Variants in ACADSB observed in about 807,000 individuals in gnomAD.
ACADSB encodes short/branched chain specific acyl-CoA dehydrogenase, mitochondrial.
In ACADSB, 40 loss-of-function variants were observed where a neutral mutation model predicts 54.1. That is an observed-to-expected ratio of 0.74 (90% CI 0.57 to 0.96). The LOEUF (loss-of-function observed/expected upper bound fraction) is 0.96. ACADSB is among the 40% of genes least tolerant of loss of function. The probability of loss-of-function intolerance (pLI) is 0.00; values close to 1 mark genes in which losing one functional copy is unlikely to be tolerated. For synonymous variants in ACADSB, 182 were observed against 182.8 expected (o/e 1.00, Z 0.03); for missense variants, 530 against 510.4 (o/e 1.04, Z -0.37).
At chr10:123,046,027 C>A (rs188575874) in intron 7 of ACADSB, among the ~76,000 whole-genome samples, 10 of 152,146 alleles carry the variant, frequency 6.6e-5, no homozygotes, top group Admixed American at 5.2e-4. Flanking sequence ...GTAGAAAAGC[C>A]CATTTTGATG....
chr10:123,011,143 G>A (rs1162113476), intron 1 of ACADSB, among the ~76,000 whole-genome samples: 1 of 152,174 alleles, frequency 6.6e-6, no homozygotes, highest in East Asian at 1.9e-4. Context: ...GGCATGGAGT[G>A]GGGAGAAATG....
At chr10:123,051,010 TGAAATCATAA>T in intron 8 of ACADSB, 29 bp from the exon 9 acceptor site, 1 of 1,605,566 alleles carries the variant, frequency 6.2e-7, no homozygotes, top group Non-Finnish European at 8.5e-7. Flanking sequence ...CTTGCTTTTT[TGAAATCATAA>T]TTCTCTAACT....
At chr10:123,034,852 T>C (rs2133474874) in intron 2 of ACADSB, among the ~76,000 whole-genome samples, 1 of 152,356 alleles carries the variant, frequency 6.6e-6, no homozygotes. Flanking sequence ...TCTTGCCACC[T>C]TGTTACCAGT....
intron 1 of ACADSB, among the ~76,000 whole-genome samples, chr10:123,015,859 G>T (rs1207652763): frequency 3.9e-5 from 6 of 152,232 alleles, no homozygotes. Flanking sequence ...ATCCCACTTA[G>T]ACCATTTCAC....
At chr10:123,040,878 T>G (rs1238795992) in intron 4 of ACADSB, among the ~76,000 whole-genome samples, 1 of 152,222 alleles carries the variant, frequency 6.6e-6, no homozygotes, top group South Asian at 2.1e-4. Flanking sequence ...AAAATAATCA[T>G]CAGATAATAA....
chr10:123,038,149 G>C (rs1160500290), intron 3 of ACADSB, among the ~76,000 whole-genome samples: 3 of 152,180 alleles, frequency 2.0e-5, no homozygotes, highest in Non-Finnish European at 2.9e-5. Context: ...CAACGTCTAG[G>C]GACATCTTTG....
rs1291179526 is a variant in ACADSB, at chr10:123,056,850, G to A, written c.*3085G>A. ...ACTAATTTCTATAATGCAAATCAGA[G>A]TTAAATATTAAAAATTGTGTAAATA... On this transcript the variant is annotated 3_prime_UTR_variant, in exon 11 of 11. Transcript: ENST00000358776. 6.6e-5 allele frequency: 10 copies of A among 152,582 alleles called. No individual in the cohort carries two copies. Among genetic ancestry groups the A allele is most frequent in the African/African-American group, 1.9e-4 (8 of 41,422 alleles). The allele number at this position is 152,582 out of a possible 1,614,324, so 9.5% of individuals were successfully genotyped here.
At chr10:123,047,536 C>T (rs751982987) in intron 8 of ACADSB, among the ~76,000 whole-genome samples, 1 of 152,042 alleles carries the variant, frequency 6.6e-6, no homozygotes, top group Non-Finnish European at 1.5e-5. Flanking sequence ...CGGTGAGCAC[C>T]GTGAAGCTGT....
At chr10:123,053,544 T>G (rs1589746813) in intron 10 of ACADSB, 151 bp from the exon 11 acceptor site, 1 of 748,490 alleles carries the variant, frequency 1.3e-6, no homozygotes, top group Admixed American at 2.1e-5. Context: ...TTAGTCAAAA[T>G]TACTGTGAAA....
chr10:123,020,650 A>G (rs565866937), intron 1 of ACADSB, among the ~76,000 whole-genome samples: 116 of 152,350 alleles, frequency 7.6e-4, no homozygotes, highest in Non-Finnish European at 1.5e-3. Context: ...AAACAGCTAA[A>G]CTGTTTTCCA....
In ACADSB at chr10:123,052,336, C is replaced by T. The variant is rs957903121; in HGVS notation, c.1129-725C>T. ...TAGGGGCTGCTCACATTCCTTGACT[C>T]GTAGCCCCTTCCTCCATCTTCAAAG... On this transcript the variant is annotated intron_variant, in intron 9 of 10. Transcript: ENST00000358776. This position sits in a 1 kb window ranked among gnomAD's most constrained non-coding sequence, Gnocchi z 4.2. Among the ~76,000 whole-genome samples, 2 of 152,306 alleles carry T rather than the reference C, an allele frequency of 1.3e-5. No individual in the cohort carries two copies. The highest frequency in any genetic ancestry group is 2.1e-4 in the South Asian group (1 of 4,826).
chr10:123,035,132 T>C (rs952568582), intron 2 of ACADSB, among the ~76,000 whole-genome samples: 3 of 151,962 alleles, frequency 2.0e-5, no homozygotes, highest in African/African-American at 4.8e-5. Context: ...TTGTATTTTG[T>C]TTTTTAGTAC....
intron 4 of ACADSB, 105 bp from the exon 5 acceptor site, chr10:123,041,104 A>G: frequency 8.0e-7 from 1 of 1,254,522 alleles, no homozygotes; most frequent in Admixed American, 1.9e-5. Flanking sequence ...TTTTTAAAAA[A>G]GCAGCTAAAG....
Position 123,054,656 on chromosome 10 carries a change from A to G in ACADSB, c.*891A>G, listed in dbSNP as rs1198371845. ...GAAGAAAATATTATTTTAACAATGTAAAGCAATATGATTTGTTACTATAAT... is the reference window on the plus strand; with the variant it reads ...GAAGAAAATATTATTTTAACAATGTGAAGCAATATGATTTGTTACTATAAT... On this transcript the variant is annotated 3_prime_UTR_variant, in exon 11 of 11. Coordinates refer to ENST00000358776, the MANE Select transcript of ACADSB (RefSeq NM_001609.4). The G allele has an allele frequency of 1.3e-5, 2 of 152,236 alleles. No individual in the cohort carries two copies. The highest frequency in any genetic ancestry group is 4.8e-5 in the African/African-American group (2 of 41,468). 9.4% of individuals were successfully genotyped at this position (152,236 alleles called of 1,614,324 possible). A position where few individuals can be genotyped will look rare whatever the true frequency, so the allele number is the denominator to read the frequency against.
chr10:123,032,445 C>T (rs780904338), intron 1 of ACADSB, among the ~76,000 whole-genome samples: 1 of 152,200 alleles, frequency 6.6e-6, no homozygotes, highest in Middle Eastern at 3.4e-3. Context: ...GTTTCATGAG[C>T]ATTTTGTGAA....
intron 6 of ACADSB, 60 bp from the exon 7 acceptor site, chr10:123,044,333 A>G (rs1850520515): frequency 2.1e-6 from 3 of 1,417,958 alleles, no homozygotes; most frequent in Non-Finnish European, 3.0e-6. Context: ...TTACAAATAT[A>G]TAATCAAAAT....
chr10:123,035,564 G>T (rs978271012), intron 2 of ACADSB, among the ~76,000 whole-genome samples: 1 of 152,226 alleles, frequency 6.6e-6, no homozygotes, highest in Non-Finnish European at 1.5e-5. Flanking sequence ...GTGGCTCACA[G>T]TTCTGTAGGC....
intron 1 of ACADSB, among the ~76,000 whole-genome samples, chr10:123,011,655 T>C (rs995835568): frequency 6.6e-6 from 1 of 151,328 alleles, no homozygotes; most frequent in African/African-American, 2.4e-5. Context: ...GCCTCCCGAG[T>C]AACTGGGATT....
chr10:123,041,997 G>A (rs1012961232), intron 5 of ACADSB, among the ~76,000 whole-genome samples: 5 of 140,466 alleles, frequency 3.6e-5, no homozygotes, highest in Admixed American at 7.8e-5. Context: ...ATGGAGTCTC[G>A]CTGTATCTCC....
Sources: gnomAD v4.1 joint callset for allele counts (sites outside exome capture counted in the v4.1 genomes callset) on GRCh38, gnomAD v4.1.1 for gene constraint, Gnocchi (gnomAD v3.1) non-coding constraint, MANE v1.5 for transcripts, NCBI Gene and HGNC (gene_info 2026-07-23, HGNC 2026-07-21) for gene names.